Variants in SPHKAP observed in about 807,000 individuals in gnomAD.
The protein encoded by SPHKAP is A-kinase anchor protein SPHKAP.
Under a neutral mutation model 137.5 loss-of-function variants are expected in SPHKAP, and 67 were observed. That is an observed-to-expected ratio of 0.49 (90% CI 0.40 to 0.60). The LOEUF is 0.60. SPHKAP is among the 20% of genes least tolerant of loss of function. The pLI, the probability that SPHKAP is intolerant of heterozygous loss-of-function variation, is 0.00. For synonymous variants in SPHKAP, 813 were observed against 785.3 expected, an observed-to-expected ratio of 1.04 and a Z score of -0.59; for missense variants, 2,097 against 2,069.3, an observed-to-expected ratio of 1.01 and a Z score of -0.26.
rs1424697964 is a variant in SPHKAP at position 227,991,340 on chromosome 2, C to T, written c.4722-14G>A. 6.2e-7 allele frequency: 1 copy of T among 1,613,990 alleles called. No individual in the cohort carries two copies. The highest frequency in any genetic ancestry group is 8.5e-7 in the Non-Finnish European group (1 of 1,179,984). On this transcript the variant is annotated splice_polypyrimidine_tract_variant and intron_variant, in intron 9 of 11. Transcript: ENST00000392056. ...TCTACTAATTCACTTTGGGAGAAAA[C>T]AACAGTATATGGTTGGTAATGTTTA... is the stretch of plus-strand genomic sequence containing the variant.
chr2:227,991,257 A>G lies in SPHKAP; in HGVS notation c.4774+17T>C, dbSNP rs780823576. On this transcript the variant is annotated intron_variant, in intron 10 of 11. Coordinates refer to ENST00000392056, the MANE Select transcript of SPHKAP (RefSeq NM_001142644.2). ...GCCCAGGCAATTGTGTGTCAAAAGT[A>G]TGGGAAGGTGGCTTACCCTCTGTGC... 1.4e-5 allele frequency: 23 copies of G among 1,614,078 alleles called. No individual in the cohort carries two copies. The highest frequency in any genetic ancestry group is 1.9e-5 in the Non-Finnish European group (22 of 1,180,012).
intron 3 of SPHKAP, among the ~76,000 whole-genome samples, chr2:228,033,576 A>G (rs1695446396): frequency 6.6e-6 from 1 of 152,216 alleles, no homozygotes; most frequent in African/African-American, 2.4e-5. Flanking sequence ...TAGAATATAC[A>G]TTGTTTTCAG....
intron 3 of SPHKAP, among the ~76,000 whole-genome samples, chr2:228,094,349 T>C (rs1697914617): frequency 6.6e-6 from 1 of 152,212 alleles, no homozygotes; most frequent in Non-Finnish European, 1.5e-5. Flanking sequence ...TTTTCTCACC[T>C]GAAAAATGAG....
At chr2:228,020,647 C>T (rs1186586239) in intron 6 of SPHKAP, among the ~76,000 whole-genome samples, 2 of 152,092 alleles carry the variant, frequency 1.3e-5, no homozygotes, top group Admixed American at 6.5e-5. Flanking sequence ...AGCACACCAA[C>T]ATGGCACATG....
intron 3 of SPHKAP, among the ~76,000 whole-genome samples, chr2:228,030,439 G>A (rs1324845089): frequency 3.1e-5 from 3 of 96,508 alleles, no homozygotes; most frequent in Admixed American, 1.1e-4. Flanking sequence ...GCTTGAAGCT[G>A]GGAGGCAGAG....
intron 4 of SPHKAP, chr2:228,025,915 C>CT: frequency 3.1e-6 from 3 of 970,398 alleles, no homozygotes; most frequent in Non-Finnish European, 3.7e-6. Flanking sequence ...GGCTCTGTGT[C>CT]CCCATCCAAA....
intron 4 of SPHKAP, chr2:228,025,983 G>T: frequency 2.4e-6 from 1 of 415,022 alleles, no homozygotes; most frequent in Non-Finnish European, 3.2e-6. Context: ...GGTGGGAGAT[G>T]ATTGGATCAT....
intron 1 of SPHKAP, among the ~76,000 whole-genome samples, chr2:228,142,755 C>T (rs1699646042): frequency 1.3e-5 from 2 of 152,078 alleles, no homozygotes; most frequent in Admixed American, 1.3e-4. Flanking sequence ...GAGTACTGGG[C>T]TTAATATCTG....
intron 1 of SPHKAP, among the ~76,000 whole-genome samples, chr2:228,172,620 G>T (rs186670550): frequency 1.3e-5 from 2 of 152,172 alleles, no homozygotes; most frequent in African/African-American, 4.8e-5. Flanking sequence ...GGTCAGGCAG[G>T]ATGGGCTAGG....
At chr2:228,042,527 C>A (rs550180438) in intron 3 of SPHKAP, among the ~76,000 whole-genome samples, 3 of 152,138 alleles carry the variant, frequency 2.0e-5, no homozygotes, top group African/African-American at 4.8e-5. Context: ...CTTTTCCCAG[C>A]CCTAGGCAAC....
chr2:228,103,489 C>G (rs1013801108), intron 3 of SPHKAP, among the ~76,000 whole-genome samples: 2 of 152,164 alleles, frequency 1.3e-5, no homozygotes, highest in African/African-American at 4.8e-5. Context: ...ATGGAAGAAA[C>G]AGAACTTATC....
intron 11 of SPHKAP, among the ~76,000 whole-genome samples, chr2:227,985,907 T>A (rs1693192094): frequency 6.6e-6 from 1 of 152,226 alleles, no homozygotes; most frequent in Admixed American, 6.5e-5. Context: ...GCATTAAGCA[T>A]AAGTGAGTTG....
chr2:228,029,357 TA>T (rs1358726699), intron 3 of SPHKAP, among the ~76,000 whole-genome samples: 1 of 152,132 alleles, frequency 6.6e-6, no homozygotes, highest in Non-Finnish European at 1.5e-5. Context: ...TTTTTGAGGT[TA>T]AAAAAATAAT....
intron 11 of SPHKAP, among the ~76,000 whole-genome samples, chr2:227,985,333 CAAG>C (rs1321186845): frequency 1.3e-5 from 2 of 151,994 alleles, no homozygotes; most frequent in African/African-American, 4.8e-5. Flanking sequence ...GGCTGATGAG[CAAG>C]AAGAACTCTT....
At chr2:228,068,100 GAAGTT>G (rs937245734) in intron 3 of SPHKAP, among the ~76,000 whole-genome samples, 3 of 151,956 alleles carry the variant, frequency 2.0e-5, no homozygotes, top group African/African-American at 7.2e-5. Flanking sequence ...ATCTGAAAAA[GAAGTT>G]AAGAAAGCAA....
intron 3 of SPHKAP, among the ~76,000 whole-genome samples, chr2:228,032,530 A>T (rs1695376686): frequency 6.6e-6 from 1 of 152,146 alleles, no homozygotes; most frequent in South Asian, 2.1e-4. Context: ...AATACAGAGA[A>T]CGCCACAAAG....
intron 2 of SPHKAP, among the ~76,000 whole-genome samples, chr2:228,124,742 G>T (rs201661495): frequency 1.3e-5 from 1 of 74,794 alleles, no homozygotes; most frequent in Non-Finnish European, 3.4e-5. Flanking sequence ...AAAGAAAAAA[G>T]TCTCTAGAGA....
intron 3 of SPHKAP, among the ~76,000 whole-genome samples, chr2:228,030,536 C>CAAAAAAAAAAAA (rs1263087267): frequency 2.4e-5 from 1 of 41,894 alleles, no homozygotes; most frequent in East Asian, 6.1e-4. Flanking sequence ...AAAAAAACAA[C>CAAAAAAAAAAAA]AAAAAACAAA....
chr2:228,019,241 G>T lies in SPHKAP; in HGVS notation c.1613C>A (p.Thr538Asn), dbSNP rs751608547. ...FPPGSSGALQ[T>N]QAPQGLKEPS... ...TTCCTTGAGTCCTTGGGGTGCTTGA[G>T]TTTGCAGTGCACCACTGCTCCCTGG... The change falls in exon 7 of 12, where the codon ACT (threonine) becomes AAT (asparagine). Residue 538 changes from threonine (T) to asparagine (N), a missense_variant. Transcript: ENST00000392056. 1.2e-6 allele frequency: 2 copies of T among 1,613,950 alleles called. No individual in the cohort carries two copies. Among genetic ancestry groups the T allele is most frequent in the South Asian group, 2.2e-5 (2 of 91,088 alleles).
Sources: allele counts gnomAD v4.1 joint callset (sites outside exome capture counted in the v4.1 genomes callset), GRCh38; gene constraint gnomAD v4.1.1; transcripts MANE v1.5; gene names NCBI Gene and HGNC (gene_info 2026-07-23, HGNC 2026-07-21).